The following TENM3 variants were observed in gnomAD, a reference collection of about 807,000 sequenced individuals.
TENM3 encodes the protein teneurin transmembrane protein 3.
In TENM3, 63 loss-of-function variants were observed where a neutral mutation model predicts 255.1. That is an observed-to-expected ratio of 0.25 (90% confidence interval 0.20 to 0.30). The LOEUF (loss-of-function observed/expected upper bound fraction) is 0.30. TENM3 is among the 10% of genes least tolerant of loss of function. The pLI, the probability that TENM3 is intolerant of heterozygous loss-of-function variation, is 1.00. For missense variants in TENM3, 2,929 were observed against 3,461.1 expected (o/e 0.85, Z 3.86); for synonymous variants, 1,306 against 1,322.3 (o/e 0.99, Z 0.27).
At chr4:181,604,003 G>T in the TENM3 span, among the ~76,000 whole-genome samples, 28 of 152,304 alleles carry the variant, frequency 1.8e-4, no homozygotes, top group Middle Eastern at 0.014. Context: ...GGTGGCTCAC[G>T]CCTGTAATCC....
At chr4:182,681,619 A>G (rs1321801929) in intron 10 of TENM3, among the ~76,000 whole-genome samples, 195 bp from the exon 11 acceptor site, 2 of 152,194 alleles carry the variant, frequency 1.3e-5, no homozygotes, top group Admixed American at 6.5e-5. Flanking sequence ...AATTACCTAA[A>G]TGGCATTAGG....
intron 4 of TENM3, among the ~76,000 whole-genome samples, chr4:182,618,727 C>G (rs141734595): frequency 3.3e-5 from 5 of 151,474 alleles, no homozygotes; most frequent in African/African-American, 1.2e-4. Context: ...GTATACTGTG[C>G]GGGTCCAAAA....
the TENM3 span, among the ~76,000 whole-genome samples, chr4:182,100,822 C>G: frequency 1.9e-4 from 2 of 10,514 alleles, no homozygotes; most frequent in Admixed American, 1.5e-3. Context: ...TATATATACA[C>G]ATATATATAT....
At chr4:182,018,532 A>C in the TENM3 span, among the ~76,000 whole-genome samples, 1 of 152,280 alleles carries the variant, frequency 6.6e-6, no homozygotes, top group African/African-American at 2.4e-5. Flanking sequence ...TTTTTTGACA[A>C]GTTGCTTTAG....
the TENM3 span, among the ~76,000 whole-genome samples, chr4:181,601,119 C>A: frequency 0.54 from 81,407 of 151,916 alleles, 22,014 homozygotes; most frequent in Non-Finnish European, 0.57. Context: ...AGGTGGGATA[C>A]CTGCATTAGT....
chr4:181,634,955 C>A, the TENM3 span, among the ~76,000 whole-genome samples: 13 of 151,902 alleles, frequency 8.6e-5, no homozygotes, highest in Non-Finnish European at 1.8e-4. Context: ...CCCTTTTTTT[C>A]ATCTGCTAGG....
At chr4:182,018,477 T>G in the TENM3 span, among the ~76,000 whole-genome samples, 2 of 152,182 alleles carry the variant, frequency 1.3e-5, no homozygotes, top group Non-Finnish European at 2.9e-5. Flanking sequence ...CTAACAGTAT[T>G]CCTAGGAGCT....
At chr4:182,268,836 A>G (rs1277150695) in intron 1 of TENM3, among the ~76,000 whole-genome samples, 8 of 152,298 alleles carry the variant, frequency 5.3e-5, no homozygotes, top group Admixed American at 2.0e-4. Context: ...TCATCAAGAA[A>G]TAACCATAAA....
At chr4:182,631,506 T>A (rs1751372480) in intron 5 of TENM3, 3 of 152,212 alleles carry the variant, frequency 2.0e-5, no homozygotes, top group African/African-American at 7.2e-5. Context: ...ATTAAAGACG[T>A]TGCCTTTACC....
In TENM3 at chr4:182,628,856, G is replaced by T. The variant is rs761946545; in HGVS notation, c.955G>T (p.Val319Leu). 14 of 1,607,582 alleles carry T rather than the reference G, an allele frequency of 8.7e-6. No homozygotes were observed. The highest frequency in any genetic ancestry group is 1.2e-5 in the Non-Finnish European group (14 of 1,176,772). Residue 319 changes from valine to leucine, a missense_variant, in exon 5 of 28, where the codon GTG (valine) becomes TTG (leucine). Around this residue, in one of 6 missense-constraint regions of TENM3, gnomAD observed 1,608 missense variants for 1,884.4 expected, o/e 0.85. Transcript: ENST00000511685. ...CTALCAVGVSVLLAILLSYFI... is the reference protein window; with the variant it reads ...CTALCAVGVSLLLAILLSYFI... Reference sequence around the variant, plus strand: ...TGCACTGTGTGCCGTAGGGGTCTCGGTGCTCCTGGCAATACTCCTGTCTTA... The same window carrying T: ...TGCACTGTGTGCCGTAGGGGTCTCGTTGCTCCTGGCAATACTCCTGTCTTA...
chr4:182,601,859 C>G (rs1447482205), intron 4 of TENM3, among the ~76,000 whole-genome samples: 4 of 152,212 alleles, frequency 2.6e-5, no homozygotes, highest in African/African-American at 9.7e-5. Context: ...CAATTTTGCC[C>G]TGATTCATAC....
At chr4:182,463,509 C>T (rs1298092681) in intron 3 of TENM3, among the ~76,000 whole-genome samples, 9 of 151,768 alleles carry the variant, frequency 5.9e-5, no homozygotes, top group African/African-American at 1.7e-4. Flanking sequence ...CTCACTCTGT[C>T]GCCCAGGCTG....
chr4:182,495,368 A>G (rs941208571), intron 3 of TENM3, among the ~76,000 whole-genome samples: 3 of 152,178 alleles, frequency 2.0e-5, no homozygotes, highest in Admixed American at 1.3e-4. Flanking sequence ...GACCTAGCCA[A>G]TCTTCAGGAC....
chr4:182,349,605 T>C (rs1765043952), intron 3 of TENM3, among the ~76,000 whole-genome samples: 1 of 152,166 alleles, frequency 6.6e-6, no homozygotes, highest in African/African-American at 2.4e-5. Context: ...TTTGCAGTCA[T>C]ACATAGGTTC....
At chr4:182,448,360 G>A (rs1336289236) in intron 3 of TENM3, among the ~76,000 whole-genome samples, 1 of 151,386 alleles carries the variant, frequency 6.6e-6, no homozygotes, top group East Asian at 2.0e-4. Flanking sequence ...CGCCAGGCTG[G>A]GGGCCCTGCG....
the TENM3 span, among the ~76,000 whole-genome samples, chr4:181,746,441 G>A: frequency 3.3e-5 from 5 of 152,038 alleles, no homozygotes; most frequent in Non-Finnish European, 7.4e-5. Flanking sequence ...GAATGGCCTG[G>A]GGGGTCTGCA....
At chr4:181,518,530 C>T in the TENM3 span, among the ~76,000 whole-genome samples, 4 of 152,040 alleles carry the variant, frequency 2.6e-5, no homozygotes, top group African/African-American at 9.7e-5. Context: ...TGGGTTCAAG[C>T]GATTCTCCTG....
At position 182,150,106 on chromosome 4, in the gene TENM3, G is replaced by C. The variant is rs374336980; in HGVS notation, c.-76+5352G>C. On this transcript the variant is annotated intron_variant, in intron 1 of 2. Transcript: ENST00000512480. ...GGGAGAGGTGGGGATAATGTGATTT[G>C]GTTGCCCTGGGATGGGATCATATTA... 4.0e-5 allele frequency among the ~76,000 whole-genome samples: 6 copies of C among 151,642 alleles called. No individual in the cohort carries two copies. The East Asian group carries it at 9.8e-4, about 25-fold the overall frequency.
chr4:182,272,664 T>A (rs1334723554), intron 1 of TENM3, among the ~76,000 whole-genome samples: 6 of 152,166 alleles, frequency 3.9e-5, no homozygotes, highest in Non-Finnish European at 8.8e-5. Context: ...TAAAACTGAA[T>A]ATTATTTATT....
Sources: allele counts gnomAD v4.1 joint callset (sites outside exome capture counted in the v4.1 genomes callset), GRCh38; gene constraint gnomAD v4.1.1; regional missense constraint gnomAD v4.1.1; transcripts MANE v1.5; gene names NCBI Gene and HGNC (gene_info 2026-07-23, HGNC 2026-07-21).